Variants in CACNA1D observed in about 807,000 individuals in gnomAD.
CACNA1D encodes the protein voltage-dependent L-type calcium channel subunit alpha-1D.
Under a neutral mutation model 257.1 loss-of-function variants are expected in CACNA1D, and 55 were observed. The observed-to-expected ratio is 0.21, with a 90% confidence interval of 0.17 to 0.27. CACNA1D has a LOEUF of 0.27. Among genes scored for constraint, CACNA1D ranks in the 10% least tolerant of loss-of-function variants. The pLI, the probability that CACNA1D is intolerant of heterozygous loss-of-function variation, is 1.00. For synonymous variants in CACNA1D, 980 were observed against 1,014.9 expected, an observed-to-expected ratio of 0.97 and a Z score of 0.65; for missense variants, 1,876 against 2,784.0, an observed-to-expected ratio of 0.67 and a Z score of 7.34.
intron 3 of CACNA1D, among the ~76,000 whole-genome samples, chr3:53,578,272 G>A (rs1455387257): frequency 6.6e-6 from 1 of 152,074 alleles, no homozygotes; most frequent in Non-Finnish European, 1.5e-5. Context: ...GATGGAGGGG[G>A]TGGTATCTGA....
Position 53,494,966 on chromosome 3 carries a change from G to T in CACNA1D, c.-201G>T. The T allele has an allele frequency of 1.7e-6, 1 of 593,456 alleles. No individual in the cohort carries two copies. The highest frequency in any genetic ancestry group is 3.0e-6 in the Non-Finnish European group (1 of 332,282). The allele number at this position is 593,456 out of a possible 1,614,324, so 36.8% of individuals were successfully genotyped here. A position where few individuals can be genotyped will look rare whatever the true frequency, so the allele number is the denominator to read the frequency against. ...CATTTTTGAAAAAGAGAGAGCTTGG[G>T]TGGCGAGCGGTTTTTTTTTTAAATC... On this transcript the variant is annotated 5_prime_UTR_variant, in exon 1 of 48. Transcript: ENST00000350061.
chr3:53,662,033 G>A (rs2094208516), intron 5 of CACNA1D, among the ~76,000 whole-genome samples: 1 of 152,174 alleles, frequency 6.6e-6, no homozygotes, highest in Non-Finnish European at 1.5e-5. Flanking sequence ...GTTGTCGGAT[G>A]TGCTGTTTCT....
At chr3:53,735,330 C>T (rs1457916897) in intron 19 of CACNA1D, 44 bp from the exon 20 acceptor site, 2 of 1,602,106 alleles carry the variant, frequency 1.2e-6, no homozygotes, top group Non-Finnish European at 1.7e-6. Flanking sequence ...CAGTGTGTTC[C>T]ACCCTATCTG....
intron 3 of CACNA1D, among the ~76,000 whole-genome samples, chr3:53,645,783 G>A (rs2094012691): frequency 6.6e-6 from 1 of 152,210 alleles, no homozygotes; most frequent in Non-Finnish European, 1.5e-5. Context: ...AGGTTTTGCT[G>A]AGAAAGTGTC....
In CACNA1D at chr3:53,673,263, T is replaced by G. The variant is rs1402549275; in HGVS notation, c.1220+137T>G. The G allele has an allele frequency of 1.1e-5, 7 of 633,996 alleles. No homozygotes were observed. Among genetic ancestry groups the G allele is most frequent in the Non-Finnish European group, 2.0e-5 (7 of 354,948 alleles). The allele number at this position is 633,996 out of a possible 1,614,324, so 39.3% of individuals were successfully genotyped here. ...TCCTCTGAGATGCTTTCTTTTCTGCTGAGGCTTCCCAAATCAAGCTGTTTC... is the reference window on the plus strand; with the variant it reads ...TCCTCTGAGATGCTTTCTTTTCTGCGGAGGCTTCCCAAATCAAGCTGTTTC... On this transcript the variant is annotated intron_variant, in intron 8 of 47. Transcript: ENST00000350061. The surrounding 1 kb of genome is among the most constrained non-coding windows in gnomAD (Gnocchi z 4.1).
At chr3:53,515,985 G>A (rs1252683798) in intron 3 of CACNA1D, among the ~76,000 whole-genome samples, 3 of 152,114 alleles carry the variant, frequency 2.0e-5, no homozygotes, top group African/African-American at 7.2e-5. Context: ...GACAGATCTT[G>A]GTTTGGTTTC....
intron 3 of CACNA1D, among the ~76,000 whole-genome samples, chr3:53,530,007 G>A (rs971565514): frequency 1.3e-5 from 2 of 152,088 alleles, no homozygotes; most frequent in African/African-American, 2.4e-5. Context: ...CATAAATTTG[G>A]TTACCTGGCC....
At chr3:53,733,342 C>G (rs946367587) in intron 19 of CACNA1D, among the ~76,000 whole-genome samples, 3 of 152,218 alleles carry the variant, frequency 2.0e-5, no homozygotes, top group Admixed American at 6.5e-5. Context: ...GAAATTTTTC[C>G]TAATGAGTGG....
chr3:53,793,313 G>A lies in CACNA1D; in HGVS notation c.4923+6361G>A, dbSNP rs559783283. On this transcript the variant is annotated intron_variant, in intron 40 of 47. Transcript: ENST00000350061. The surrounding 1 kb of genome is among the most constrained non-coding windows in gnomAD (Gnocchi z 4.1). The stretch of plus-strand genomic sequence containing the variant: ...GAATTTATGAAGAATGTGATGTATC[G>A]TCCCTGAAAGGGAAGCCCGTCAGTC... 1.4e-4 allele frequency among the ~76,000 whole-genome samples: 22 copies of A among 152,286 alleles called. No individual in the cohort carries two copies. Among genetic ancestry groups the A allele is most frequent in the East Asian group, 1.9e-4 (1 of 5,182 alleles).
In CACNA1D at chr3:53,735,480, C is replaced by T. The variant is rs751464393; in HGVS notation, c.2728C>T (p.Arg910Cys). ...TGCCCTGGCCGCAGAGGACCCCATC[C>T]GCAGCCACTCCTTCCGGAACACGGT... ...SAALAAEDPI[R>C]SHSFRNTILG... Residue 910 changes from arginine (R) to cysteine (C), a missense_variant, in exon 20 of 48, where the codon CGC becomes TGC. Physicochemically the swap from Arg to Cys is radical, Grantham distance 180. Transcript: ENST00000350061. 24 of 1,613,918 alleles carry T rather than the reference C, an allele frequency of 1.5e-5. No homozygotes were observed. Among genetic ancestry groups the T allele is most frequent in the South Asian group, 5.5e-5 (5 of 91,062 alleles).
At chr3:53,709,706 A>G (rs1427056041) in intron 9 of CACNA1D, among the ~76,000 whole-genome samples, 1 of 152,194 alleles carries the variant, frequency 6.6e-6, no homozygotes. Context: ...AAGGGGTTAA[A>G]GATCCTAGAG....
intron 10 of CACNA1D, chr3:53,718,589 C>T (rs1315454589): frequency 1.8e-5 from 15 of 811,480 alleles, no homozygotes; most frequent in Admixed American, 6.0e-5. Context: ...CCCGCCCCCC[C>T]GCCCCCCGGC....
At chr3:53,620,688 C>A (rs1480417883) in intron 3 of CACNA1D, among the ~76,000 whole-genome samples, 1 of 152,232 alleles carries the variant, frequency 6.6e-6, no homozygotes, top group Non-Finnish European at 1.5e-5. Flanking sequence ...TGAGAACTCT[C>A]TAAAGCATTT....
chr3:53,731,165 T>C lies in CACNA1D; in HGVS notation c.2406+19T>C. ...CAACAAGGTATGTATTCTAAGATGC[T>C]TCTCCCCTTTTTGTTTCAAAATGAT... On this transcript the variant is annotated intron_variant, in intron 17 of 47. Transcript: ENST00000350061. The C allele has an allele frequency of 6.5e-7, 1 of 1,533,826 alleles. No individual in the cohort carries two copies. The highest frequency in any genetic ancestry group is 9.0e-7 in the Non-Finnish European group (1 of 1,106,982).
intron 3 of CACNA1D, among the ~76,000 whole-genome samples, chr3:53,633,592 G>A (rs114088844): frequency 6.6e-6 from 1 of 152,352 alleles, no homozygotes; most frequent in African/African-American, 2.4e-5. Flanking sequence ...CAAACTGGTA[G>A]CCGGGAAGTC....
intron 8 of CACNA1D, among the ~76,000 whole-genome samples, chr3:53,683,433 G>T (rs1489720480): frequency 6.6e-6 from 1 of 152,106 alleles, no homozygotes; most frequent in East Asian, 1.9e-4. Flanking sequence ...TCAGGGAAAT[G>T]GCCAATAAAT....
At chr3:53,497,533 T>C in intron 2 of CACNA1D, 72 bp downstream of exon 2, 2 of 1,485,886 alleles carry the variant, frequency 1.3e-6, no homozygotes, top group Non-Finnish European at 1.9e-6. Context: ...ATTTGCTTTC[T>C]GAAGTGACAC....
chr3:53,556,128 T>C (rs2092641352), intron 3 of CACNA1D, among the ~76,000 whole-genome samples: 1 of 152,228 alleles, frequency 6.6e-6, no homozygotes, highest in South Asian at 2.1e-4. Context: ...TCGTTCTTTT[T>C]TATTGCTGAG....
chr3:53,534,702 C>G (rs919346645), intron 3 of CACNA1D, among the ~76,000 whole-genome samples: 2 of 152,228 alleles, frequency 1.3e-5, no homozygotes, highest in Admixed American at 6.5e-5. Flanking sequence ...CACATGCTCA[C>G]TATTTCTTTT....
Sources: gnomAD v4.1 joint callset for allele counts (sites outside exome capture counted in the v4.1 genomes callset) on GRCh38, gnomAD v4.1.1 for gene constraint, Gnocchi (gnomAD v3.1) non-coding constraint, MANE v1.5 for transcripts, NCBI Gene and HGNC (gene_info 2026-07-23, HGNC 2026-07-21) for gene names.